PPP1R13L: variants seen among roughly 807,000 people sequenced by gnomAD.
PPP1R13L encodes the protein protein phosphatase 1 regulatory subunit 13 like.
Under a neutral mutation model 80.9 loss-of-function variants are expected in PPP1R13L, and 50 were observed. That is an observed-to-expected ratio of 0.62 (90% CI 0.49 to 0.78). PPP1R13L has a LOEUF of 0.78. PPP1R13L is among the 30% of genes least tolerant of loss of function. The probability of loss-of-function intolerance (pLI) is 0.00; values close to 1 mark genes in which losing one functional copy is unlikely to be tolerated. For missense variants in PPP1R13L, 1,200 were observed against 1,205.9 expected (o/e 1.00, Z 0.07); for synonymous variants, 602 against 534.3 (o/e 1.13, Z -1.75).
chr19:45,393,580 G>A (rs1363943684), intron 7 of PPP1R13L, among the ~76,000 whole-genome samples: 2 of 139,328 alleles, frequency 1.4e-5, no homozygotes. Context: ...CAAGAAGAGT[G>A]AAACTCCATC....
chr19:45,391,234 C>A (rs1388677638), intron 8 of PPP1R13L, among the ~76,000 whole-genome samples: 1 of 150,910 alleles, frequency 6.6e-6, no homozygotes, highest in African/African-American at 2.4e-5. Context: ...GCAGAGCAGA[C>A]ACAAGAGACA....
At chr19:45,397,358 TTCTTTCTTTCTC>T (rs1003715415) in intron 3 of PPP1R13L, among the ~76,000 whole-genome samples, 7 of 151,572 alleles carry the variant, frequency 4.6e-5, no homozygotes, top group African/African-American at 1.7e-4. Flanking sequence ...ATTTCTTTCT[TTCTTTCTTTCTC>T]TCTCTTTCTT....
chr19:45,396,535 C>T lies in PPP1R13L; in HGVS notation c.712+10G>A, dbSNP rs1025872178. The T allele has an allele frequency of 1.8e-5, 28 of 1,572,546 alleles. No individual in the cohort carries two copies. The highest frequency in any genetic ancestry group is 2.3e-5 in the Non-Finnish European group (27 of 1,164,404). On this transcript the variant is annotated intron_variant, in intron 4 of 12. Coordinates refer to ENST00000360957, the MANE Select transcript of PPP1R13L (RefSeq NM_006663.4). The surrounding 1 kb of genome is among the most constrained non-coding windows in gnomAD (Gnocchi z 5.3). ...GAGTCAAAGGCCCCGCGAGGGGCCC[C>T]TGGGTTCACCTTGCGCGCGCAGAGG...
Position 45,387,873 on chromosome 19 carries a change from A to G in PPP1R13L, c.1816-1693T>C, listed in dbSNP as rs1488941226. Among the ~76,000 whole-genome samples, 3 of 152,238 alleles carry G rather than the reference A, an allele frequency of 2.0e-5. No individual in the cohort carries two copies. In the East Asian group the frequency reaches 5.8e-4, roughly 29 times the overall value. The stretch of plus-strand genomic sequence containing the variant: ...ACCTAGAATTTCATTTTAAAAGACT[A>G]GAAGGAAATGGCTGGGTGCGGTGGC... On this transcript the variant is annotated intron_variant, in intron 8 of 12. Coordinates refer to ENST00000360957, the MANE Select transcript of PPP1R13L (RefSeq NM_006663.4).
upstream of PPP1R13L, among the ~76,000 whole-genome samples, chr19:45,406,054 G>A (rs1973348003): frequency 6.6e-6 from 1 of 152,182 alleles, no homozygotes; most frequent in Non-Finnish European, 1.5e-5. The surrounding 1 kb of genome is among the most constrained non-coding windows in gnomAD (Gnocchi z 4.2). Context: ...CACGCGTGTG[G>A]GGCTCCTGGG....
At chr19:45,382,084 T>C (rs1431851513) in intron 12 of PPP1R13L, among the ~76,000 whole-genome samples, 1 of 147,730 alleles carries the variant, frequency 6.8e-6, no homozygotes, top group Non-Finnish European at 1.5e-5. Flanking sequence ...CTACTAAAAA[T>C]ACAAAAAGTA....
chr19:45,396,238 G>A lies in PPP1R13L; in HGVS notation c.833C>T (p.Pro278Leu), dbSNP rs375090142. Residue 278 changes from proline to leucine, a missense_variant, in exon 6 of 13, where the codon CCT (proline) becomes CTT (leucine). Physicochemically the swap from Pro to Leu is moderately conservative, Grantham distance 98. Transcript: ENST00000360957. The surrounding 1 kb of genome is among the most constrained non-coding windows in gnomAD (Gnocchi z 5.3). ...CAACAGCTGCAGGCTCGGCGAGGCAGGCCTTGCGAAGACGTCCAGGCCTGC... is the reference window on the plus strand; with the variant it reads ...CAACAGCTGCAGGCTCGGCGAGGCAAGCCTTGCGAAGACGTCCAGGCCTGC... ...SYERLDVFAR[P>L]ASPSLQLLPW... The A allele has an allele frequency of 6.2e-6, 10 of 1,610,406 alleles. No homozygotes were observed. The African/African-American group carries it at 1.3e-4, about 21-fold the overall frequency.
Position 45,399,297 on chromosome 19 carries a change from C to T in PPP1R13L, c.-21-958G>A, listed in dbSNP as rs1973181174. Among the ~76,000 whole-genome samples, 3 of 150,312 alleles carry T rather than the reference C, an allele frequency of 2.0e-5. No homozygotes were observed. In the Admixed American group the frequency reaches 2.0e-4, roughly 10 times the overall value. On this transcript the variant is annotated intron_variant, in intron 1 of 12. Coordinates refer to ENST00000360957, the MANE Select transcript of PPP1R13L (RefSeq NM_006663.4). ...TGTCTGCTGTGTACTAGAACCCATG[C>T]CTACTGCTTGGGGTATAATGTAGTA...
At position 45,385,570 on chromosome 19, in the gene PPP1R13L, T is replaced by TA. The variant is rs1304066255; in HGVS notation, c.2239dup (p.Tyr747LeufsTer81). The TA allele has an allele frequency of 3.1e-6, 5 of 1,610,802 alleles. No homozygotes were observed. Among genetic ancestry groups the TA allele is most frequent in the African/African-American group, 1.3e-5 (1 of 74,896 alleles). Reference sequence around the variant, plus strand: ...GCAGCCCTGCCTCGCACCTGCCAGGTAGGTGGCGCAGTCAGCATAACCCTC... The same window carrying TA: ...GCAGCCCTGCCTCGCACCTGCCAGGTAAGGTGGCGCAGTCAGCATAACCCTC... On this transcript the variant is annotated frameshift_variant, in exon 11 of 13. Coordinates refer to ENST00000360957, the MANE Select transcript of PPP1R13L (RefSeq NM_006663.4). LOFTEE classifies it high-confidence loss of function.
At position 45,395,770 on chromosome 19, in the gene PPP1R13L, G is replaced by T; in HGVS notation, c.1020C>A (p.Gly340=). ...CGGGCTGCCAGCTGCGAGGCAAAGT[G>T]CCCGACGGCCCCGCGGAGCCCAGCG... The part of the protein sequence containing the change: ...RRSLGSAGPS[G]TLPRSWQPVS... The change falls in exon 7 of 13, where the codon GGC becomes GGA. Residue 340 remains glycine (G), a synonymous_variant. Coordinates refer to ENST00000360957, the MANE Select transcript of PPP1R13L (RefSeq NM_006663.4). 6.4e-7 allele frequency: 1 copy of T among 1,554,048 alleles called. No homozygotes were observed. Among genetic ancestry groups the T allele is most frequent in the South Asian group, 1.2e-5 (1 of 84,862 alleles).
chr19:45,380,293 C>T, intron 12 of PPP1R13L, 65 bp from the exon 13 acceptor site: 8 of 1,579,276 alleles, frequency 5.1e-6, no homozygotes, highest in Non-Finnish European at 6.1e-6. Flanking sequence ...TGCAAATCCG[C>T]TGCCTGTCTC....
chr19:45,403,830 C>G (rs1448724539), intron 1 of PPP1R13L, among the ~76,000 whole-genome samples: 1 of 152,114 alleles, frequency 6.6e-6, no homozygotes, highest in Non-Finnish European at 1.5e-5. Flanking sequence ...TTTAATCCCC[C>G]TTCTTAGGAC....
chr19:45,392,523 T>C, intron 7 of PPP1R13L, 183 bp from the exon 8 acceptor site: 1 of 717,490 alleles, frequency 1.4e-6, no homozygotes, highest in Non-Finnish European at 2.5e-6. Context: ...ATGCCTCCCA[T>C]TTATTGAGCA....
upstream of PPP1R13L, chr19:45,406,349 G>C (rs1973362321): frequency 8.2e-7 from 1 of 1,223,674 alleles, no homozygotes; most frequent in Non-Finnish European, 1.0e-6. This position sits in a 1 kb window ranked among gnomAD's most constrained non-coding sequence, Gnocchi z 4.2. Flanking sequence ...GGCTTAGGAA[G>C]AGCAGTGTGG....
At chr19:45,383,903 A>G (rs914157351) in intron 11 of PPP1R13L, among the ~76,000 whole-genome samples, 11 of 152,062 alleles carry the variant, frequency 7.2e-5, no homozygotes, top group Admixed American at 6.5e-4. Flanking sequence ...CTGGGACTAC[A>G]GGCCCACGCC....
At chr19:45,387,535 T>C (rs1972892291) in intron 8 of PPP1R13L, among the ~76,000 whole-genome samples, 1 of 152,140 alleles carries the variant, frequency 6.6e-6, no homozygotes, top group Non-Finnish European at 1.5e-5. Flanking sequence ...AACTTTAATA[T>C]TTTTCTGTTA....
At position 45,396,877 on chromosome 19, in the gene PPP1R13L, A is replaced by G; in HGVS notation, c.380T>C (p.Leu127Pro). 1 of 1,530,012 alleles carries G rather than the reference A, an allele frequency of 6.5e-7. No individual in the cohort carries two copies. The highest frequency in any genetic ancestry group is 8.7e-7 in the Non-Finnish European group (1 of 1,147,102). 94.8% of individuals were successfully genotyped at this position (1,530,012 alleles called of 1,614,324 possible). A position where few individuals can be genotyped will look rare whatever the true frequency, so the allele number is the denominator to read the frequency against. Residue 127 changes from leucine to proline, a missense_variant, in exon 4 of 13, where the codon CTG (leucine) becomes CCG (proline). Transcript: ENST00000360957. This position sits in a 1 kb window ranked among gnomAD's most constrained non-coding sequence, Gnocchi z 5.3. ...RPSSPRTPLY[L>P]QPDAYGSLDR... Reference sequence around the variant, plus strand: ...CAGGCTGCCGTAGGCGTCCGGCTGCAGGTAGAGCGGGGTGCGCGGCGACGA... The same window carrying G: ...CAGGCTGCCGTAGGCGTCCGGCTGCGGGTAGAGCGGGGTGCGCGGCGACGA...
intron 2 of PPP1R13L, 36 bp from the exon 3 acceptor site, chr19:45,398,183 C>T (rs763692130): frequency 6.2e-7 from 1 of 1,612,530 alleles, no homozygotes; most frequent in Non-Finnish European, 8.5e-7. Context: ...GACCTGGCCT[C>T]CTGGCAGGGG....
intron 11 of PPP1R13L, among the ~76,000 whole-genome samples, chr19:45,384,739 A>G (rs1972833934): frequency 6.6e-6 from 1 of 151,936 alleles, no homozygotes; most frequent in East Asian, 1.9e-4. Flanking sequence ...CTGTAGTCCC[A>G]GCTACTCAAG....
Sources: allele counts gnomAD v4.1 joint callset (sites outside exome capture counted in the v4.1 genomes callset), GRCh38; gene constraint gnomAD v4.1.1; non-coding constraint Gnocchi (gnomAD v3.1); transcripts MANE v1.5; gene names NCBI Gene and HGNC (gene_info 2026-07-23, HGNC 2026-07-21).